RASA3: variants seen among roughly 807,000 people sequenced by gnomAD.
The protein encoded by RASA3 is RAS p21 protein activator 3, also known as ras GTPase-activating protein 3.
A neutral mutation model predicts 110.0 loss-of-function variants in RASA3; 73 were observed. The observed-to-expected ratio is 0.66, with a 90% confidence interval of 0.55 to 0.81. The LOEUF (loss-of-function observed/expected upper bound fraction) is 0.81. Ranked by LOEUF, RASA3 falls within the 30% of genes least tolerant of loss-of-function variation. The pLI is 0.00. For synonymous variants in RASA3, 500 were observed against 451.4 expected (o/e 1.11, Z -1.37); for missense variants, 976 against 1,113.2 (o/e 0.88, Z 1.75).
At chr13:114,031,791 G>A (rs7321352) in intron 4 of RASA3, among the ~76,000 whole-genome samples, 3,597 of 152,304 alleles carry the variant, frequency 0.024, 137 homozygotes, top group African/African-American at 0.081. Context: ...CTGAGGCTCC[G>A]GGAAGGCCAA....
At chr13:114,092,830 A>T (rs1434786278) in intron 1 of RASA3, among the ~76,000 whole-genome samples, 1 of 152,172 alleles carries the variant, frequency 6.6e-6, no homozygotes, top group Non-Finnish European at 1.5e-5. Flanking sequence ...TGCTTTATAT[A>T]TATCGGGGTG....
intron 3 of RASA3, among the ~76,000 whole-genome samples, chr13:114,051,495 G>A (rs1303344968): frequency 2.6e-5 from 4 of 152,204 alleles, no homozygotes; most frequent in Non-Finnish European, 5.9e-5. Context: ...ACAGGATGCC[G>A]CCTTCCTGTG....
intron 16 of RASA3, 102 bp from the exon 17 acceptor site, chr13:114,009,566 G>C: frequency 1.3e-6 from 1 of 797,122 alleles, no homozygotes; most frequent in Non-Finnish European, 2.1e-6. Context: ...CCTAAATGAC[G>C]ATAAACAGGC....
rs1043378508 is a variant in RASA3 at position 114,065,381 on chromosome 13, C to G, written c.173+8339G>C. The stretch of plus-strand genomic sequence containing the variant: ...CCGGGAGCTGCCAGGGCTGCCCCAG[C>G]CTCGGGGTAGAGGGTAAAGGCTGCG... On this transcript the variant is annotated intron_variant, in intron 2 of 23. Coordinates refer to ENST00000334062, the MANE Select transcript of RASA3 (RefSeq NM_007368.4). The surrounding 1 kb of genome is among the most constrained non-coding windows in gnomAD (Gnocchi z 4.1). Among the ~76,000 whole-genome samples the G allele has an allele frequency of 6.6e-6, 1 of 152,340 alleles. No individual in the cohort carries two copies. The highest frequency in any genetic ancestry group is 3.4e-3 in the Middle Eastern group (1 of 294).
In RASA3 at chr13:114,114,177, G is replaced by A. The variant is rs537727867; in HGVS notation, c.55+18258C>T. Among the ~76,000 whole-genome samples the A allele has an allele frequency of 2.7e-4, 41 of 152,352 alleles. No homozygotes were observed. Among genetic ancestry groups the A allele is most frequent in the Middle Eastern group, 3.4e-3 (1 of 294 alleles). Reference sequence around the variant, plus strand: ...CCATCAATCCACCCCACCACGGTGAGCGTCTGCGATGTCCGTGCAGGGGAG... The same window carrying A: ...CCATCAATCCACCCCACCACGGTGAACGTCTGCGATGTCCGTGCAGGGGAG... On this transcript the variant is annotated intron_variant, in intron 1 of 23. Coordinates refer to ENST00000334062, the MANE Select transcript of RASA3 (RefSeq NM_007368.4). The surrounding 1 kb of genome is among the most constrained non-coding windows in gnomAD (Gnocchi z 4.8).
intron 7 of RASA3, among the ~76,000 whole-genome samples, chr13:114,024,623 T>C (rs2053993505): frequency 6.6e-6 from 1 of 152,208 alleles, no homozygotes; most frequent in Non-Finnish European, 1.5e-5. Flanking sequence ...TCCCAGTGGC[T>C]CCTGATGGGT....
chr13:114,128,282 A>G (rs2080476391), intron 1 of RASA3, among the ~76,000 whole-genome samples: 1 of 152,210 alleles, frequency 6.6e-6, no homozygotes, highest in African/African-American at 2.4e-5. Context: ...CTCTTACCTG[A>G]GTGAGCCCTA....
intron 4 of RASA3, among the ~76,000 whole-genome samples, chr13:114,030,484 G>A (rs111633265): frequency 0.014 from 1,811 of 129,660 alleles, 92 homozygotes; most frequent in East Asian, 0.11. Context: ...TCACACAGAG[G>A]GCAAGACTCA....
chr13:113,996,381 G>A lies in RASA3; in HGVS notation c.2141+150C>T, dbSNP rs547764222. On this transcript the variant is annotated intron_variant, in intron 21 of 23. Transcript: ENST00000334062. The stretch of plus-strand genomic sequence containing the variant: ...ATGCTCCCTCGAGGGAGGACCCCTC[G>A]GGTGGGAGGCTCCTGGGAGGAGGCG... The A allele has an allele frequency of 1.8e-4, 141 of 794,126 alleles. No homozygotes were observed. The East Asian group carries it at 3.5e-3, about 20-fold the overall frequency. The allele number at this position is 794,126 out of a possible 1,614,324, so 49.2% of individuals were successfully genotyped here.
At chr13:114,116,520 C>A in intron 1 of RASA3, among the ~76,000 whole-genome samples, 1 of 116,458 alleles carries the variant, frequency 8.6e-6, no homozygotes, top group African/African-American at 2.8e-5. Flanking sequence ...CCTTACGGCA[C>A]ACGAACCCTT....
rs2139151302 is a variant in RASA3, at chr13:113,999,582, C to A, written c.1932+3G>T. 1 of 1,613,340 alleles carries A rather than the reference C, an allele frequency of 6.2e-7. No individual in the cohort carries two copies. ...AAGAGAGGCTTGGGGGCCCCACACT[C>A]ACGTTTTTCATTTTGAAAGACTCCT... On this transcript the variant is annotated splice_donor_region_variant and intron_variant, in intron 20 of 23. Coordinates refer to ENST00000334062, the MANE Select transcript of RASA3 (RefSeq NM_007368.4).
chr13:114,061,152 AT>A, intron 2 of RASA3, among the ~76,000 whole-genome samples: 1 of 152,312 alleles, frequency 6.6e-6, no homozygotes, highest in South Asian at 2.1e-4. Context: ...TTTCGAGGGA[AT>A]ACCACAGAAA....
intron 1 of RASA3, among the ~76,000 whole-genome samples, chr13:114,103,922 C>T (rs56827400): frequency 7.4e-4 from 61 of 82,162 alleles, no homozygotes; most frequent in African/African-American, 1.9e-3. Flanking sequence ...CACCCACCCC[C>T]GATGCGTCCA....
rs767911676 is a variant in RASA3 at position 114,016,194 on chromosome 13, T to A, written c.1281+3A>T. 3 of 1,578,714 alleles carry A rather than the reference T, an allele frequency of 1.9e-6. No individual in the cohort carries two copies. The African/African-American group carries it at 4.1e-5, about 21-fold the overall frequency. On this transcript the variant is annotated splice_donor_region_variant and intron_variant, in intron 13 of 23. Coordinates refer to ENST00000334062, the MANE Select transcript of RASA3 (RefSeq NM_007368.4). ...CTTTGGTTGGTTCATGAACAAAACCTACCATGTTGTTTTCAAGGTTTTCTC... is the reference window on the plus strand; with the variant it reads ...CTTTGGTTGGTTCATGAACAAAACCAACCATGTTGTTTTCAAGGTTTTCTC...
intron 1 of RASA3, among the ~76,000 whole-genome samples, chr13:114,078,789 G>A (rs532978778): frequency 2.2e-4 from 34 of 152,314 alleles, no homozygotes; most frequent in African/African-American, 6.7e-4. Context: ...GTGAGCACAG[G>A]CCCAGCCCTG....
chr13:114,075,417 G>A (rs1306883897), intron 1 of RASA3, among the ~76,000 whole-genome samples: 2 of 152,240 alleles, frequency 1.3e-5, no homozygotes, highest in East Asian at 1.9e-4. Context: ...ACTGTGAGAA[G>A]GAGCAGAAGC....
chr13:114,126,646 A>G (rs1208763530), intron 1 of RASA3, among the ~76,000 whole-genome samples: 1 of 152,166 alleles, frequency 6.6e-6, no homozygotes, highest in African/African-American at 2.4e-5. Flanking sequence ...CTCTTTTTCA[A>G]ATTATATATT....
intron 23 of RASA3, 94 bp downstream of exon 23, chr13:113,981,581 G>A (rs986650735): frequency 2.0e-5 from 28 of 1,401,574 alleles, no homozygotes; most frequent in African/African-American, 1.8e-4. Context: ...GAGCACGGGC[G>A]GCCCCACCCG....
chr13:114,116,642 T>C (rs2080278999), intron 1 of RASA3, among the ~76,000 whole-genome samples: 1 of 152,358 alleles, frequency 6.6e-6, no homozygotes, highest in African/African-American at 2.4e-5. Context: ...AGCCTAATAA[T>C]TTTGCTTAAT....
Sources: allele counts gnomAD v4.1 joint callset (sites outside exome capture counted in the v4.1 genomes callset), GRCh38; gene constraint gnomAD v4.1.1; non-coding constraint Gnocchi (gnomAD v3.1); transcripts MANE v1.5; gene names NCBI Gene and HGNC (gene_info 2026-07-23, HGNC 2026-07-21).